TMEM63C: variants seen among roughly 807,000 people sequenced by gnomAD.
TMEM63C encodes the protein transmembrane protein 63C, also known as osmosensitive cation channel TMEM63C.
In TMEM63C, 32 loss-of-function variants were observed where a neutral mutation model predicts 99.2. That is an observed-to-expected ratio of 0.32 (90% CI 0.24 to 0.43). The LOEUF is 0.43. TMEM63C is among the 20% of genes least tolerant of loss of function. TMEM63C has a pLI of 1.00. For synonymous variants in TMEM63C, 376 were observed against 397.9 expected (o/e 0.94, Z 0.66); for missense variants, 826 against 1,053.0 (o/e 0.78, Z 2.98).
intron 17 of TMEM63C, 147 bp downstream of exon 17, chr14:77,246,173 C>A: frequency 1.4e-6 from 1 of 702,940 alleles, no homozygotes; most frequent in Non-Finnish European, 2.6e-6. Flanking sequence ...GTAGCATGAG[C>A]CGGGCTTCCT....
intron 1 of TMEM63C, among the ~76,000 whole-genome samples, chr14:77,196,390 A>G (rs1183381413): frequency 6.6e-6 from 1 of 152,082 alleles, no homozygotes; most frequent in African/African-American, 2.4e-5. Flanking sequence ...CCAAACCCAC[A>G]ACCTGCCAGG....
chr14:77,231,982 G>A (rs1888951479), intron 7 of TMEM63C, among the ~76,000 whole-genome samples: 1 of 152,214 alleles, frequency 6.6e-6, no homozygotes, highest in Admixed American at 6.5e-5. Context: ...GTTTGGAACT[G>A]AGTGTTCATT....
intron 22 of TMEM63C, among the ~76,000 whole-genome samples, chr14:77,252,166 T>A (rs1889378279): frequency 6.6e-6 from 1 of 151,918 alleles, no homozygotes; most frequent in Non-Finnish European, 1.5e-5. Context: ...TGACACCTCC[T>A]CCAAACTGCA....
intron 1 of TMEM63C, among the ~76,000 whole-genome samples, chr14:77,194,979 C>T (rs1486626428): frequency 6.6e-6 from 1 of 151,876 alleles, no homozygotes; most frequent in African/African-American, 2.4e-5. Context: ...TAAAGCTGGG[C>T]ATGGTTGCAT....
At chr14:77,215,039 G>T (rs1353568011) in intron 2 of TMEM63C, among the ~76,000 whole-genome samples, 1 of 152,018 alleles carries the variant, frequency 6.6e-6, no homozygotes, top group African/African-American at 2.4e-5. Context: ...TTGCTGGGGG[G>T]AAGCCTCTAC....
At chr14:77,205,874 C>CT (rs1285484209) in intron 1 of TMEM63C, among the ~76,000 whole-genome samples, 1 of 152,184 alleles carries the variant, frequency 6.6e-6, no homozygotes, top group Non-Finnish European at 1.5e-5. Flanking sequence ...TCCACCCCTG[C>CT]TGTTCAGCTG....
intron 6 of TMEM63C, among the ~76,000 whole-genome samples, chr14:77,231,101 C>T (rs970176346): frequency 1.3e-5 from 2 of 152,236 alleles, no homozygotes; most frequent in Non-Finnish European, 2.9e-5. Context: ...GCGCCCCACA[C>T]TCTCACCAGC....
chr14:77,228,162 C>T lies in TMEM63C; in HGVS notation c.350+2701C>T, dbSNP rs565547262. ...AATTAATTGTGAGTAGGAAGAAGGGCGATTGGCTGGAAGGTCAGGGTGGGG... is the reference window on the plus strand; with the variant it reads ...AATTAATTGTGAGTAGGAAGAAGGGTGATTGGCTGGAAGGTCAGGGTGGGG... On this transcript the variant is annotated intron_variant, in intron 6 of 23. Coordinates refer to ENST00000298351, the MANE Select transcript of TMEM63C (RefSeq NM_020431.4). 4.9e-4 allele frequency among the ~76,000 whole-genome samples: 75 copies of T among 151,936 alleles called. No individual in the cohort carries two copies. In the Middle Eastern group the frequency reaches 0.01, roughly 21 times the overall value.
chr14:77,228,946 G>A (rs560222256), intron 6 of TMEM63C, among the ~76,000 whole-genome samples: 7 of 152,330 alleles, frequency 4.6e-5, no homozygotes, highest in African/African-American at 1.4e-4. Context: ...GTGGAGTGGG[G>A]AGGCCTGCAT....
chr14:77,241,382 G>A (rs1202786503), intron 13 of TMEM63C, among the ~76,000 whole-genome samples: 6 of 152,120 alleles, frequency 3.9e-5, no homozygotes, highest in African/African-American at 1.4e-4. Flanking sequence ...CCAGCCTCTG[G>A]CAGCCCATGC....
At chr14:77,219,972 T>C (rs1336386774) in intron 4 of TMEM63C, 34 bp from the exon 5 acceptor site, 7 of 1,548,422 alleles carry the variant, frequency 4.5e-6, no homozygotes, top group Non-Finnish European at 6.1e-6. Context: ...TTTTCTCTCC[T>C]TTCTTACCTC....
chr14:77,186,398 A>G (rs2077256), intron 1 of TMEM63C, among the ~76,000 whole-genome samples: 37,643 of 152,050 alleles, frequency 0.25, 5,589 homozygotes, highest in Admixed American at 0.39. Flanking sequence ...TTAGAACTGA[A>G]CTGTCACCTT....
intron 1 of TMEM63C, among the ~76,000 whole-genome samples, chr14:77,193,470 C>T (rs1467820654): frequency 6.6e-6 from 1 of 151,962 alleles, no homozygotes; most frequent in Admixed American, 6.6e-5. Flanking sequence ...CTAAGGCAGG[C>T]GCATCACCTG....
At chr14:77,236,442 T>TG (rs142228082) in intron 8 of TMEM63C, among the ~76,000 whole-genome samples, 182 bp from the exon 9 acceptor site, 30,679 of 35,440 alleles carry the variant, frequency 0.87, 13,533 homozygotes, top group Admixed American at 0.92. Flanking sequence ...TGGGTGGGGG[T>TG]GGGGGATACT....
At position 77,202,289 on chromosome 14, in the gene TMEM63C, T is replaced by TACACACACAC. The variant is rs59017859; in HGVS notation, c.-76-11143_-76-11134dup. On this transcript the variant is annotated intron_variant, in intron 1 of 23. Transcript: ENST00000298351. ...AAATACCCCTCAAAACATACTCAGA[T>TACACACACAC]ACACACACACACACACACACACAAA... is the stretch of plus-strand genomic sequence containing the variant. 7.7e-3 allele frequency among the ~76,000 whole-genome samples: 1,151 copies of TACACACACAC among 149,744 alleles called. 9 individuals carry two copies. The highest frequency in any genetic ancestry group is 0.029 in the South Asian group (135 of 4,670).
intron 1 of TMEM63C, among the ~76,000 whole-genome samples, chr14:77,194,557 T>TTCTTTCTTTCTTTCTG (rs1888182321): frequency 2.5e-5 from 3 of 118,568 alleles, no homozygotes; most frequent in African/African-American, 6.9e-5. Context: ...TTCTTTCTCT[T>TTCTTTCTTTCTTTCTG]TCTTTCTTTC....
intron 1 of TMEM63C, among the ~76,000 whole-genome samples, chr14:77,202,653 G>C (rs186732620): frequency 2.0e-5 from 3 of 152,122 alleles, no homozygotes. Flanking sequence ...GGATTCAGGG[G>C]CCACCCTCAT....
intron 1 of TMEM63C, among the ~76,000 whole-genome samples, chr14:77,185,301 C>T (rs1456240294): frequency 2.0e-5 from 3 of 152,200 alleles, no homozygotes; most frequent in Non-Finnish European, 4.4e-5. Flanking sequence ...AAGCCAGGGC[C>T]TCTGGTGTCC....
chr14:77,256,771 G>A lies in TMEM63C; in HGVS notation c.*45G>A. On this transcript the variant is annotated 3_prime_UTR_variant, in exon 24 of 24. Transcript: ENST00000298351. ...CTGGCGACTTGTTGAGGGGTCAGGG[G>A]AGGGCCTGGCAAGGGGAGGCAGGAG... 1 of 1,591,516 alleles carries A rather than the reference G, an allele frequency of 6.3e-7. No individual in the cohort carries two copies. The highest frequency in any genetic ancestry group is 8.6e-7 in the Non-Finnish European group (1 of 1,164,138).
Sources: gnomAD v4.1 joint callset for allele counts (sites outside exome capture counted in the v4.1 genomes callset) on GRCh38, gnomAD v4.1.1 for gene constraint, MANE v1.5 for transcripts, NCBI Gene and HGNC (gene_info 2026-07-23, HGNC 2026-07-21) for gene names.